The following PKIB variants were observed in gnomAD, a reference collection of about 807,000 sequenced individuals.
PKIB encodes the protein PKI-beta.
A neutral mutation model predicts 4.5 loss-of-function variants in PKIB; 2 were observed. The ratio of observed to expected loss-of-function variants is 0.44; its 90% CI spans 0.18 to 1.39. PKIB has a LOEUF of 1.39. PKIB is among the 40% of genes most tolerant of loss of function. The pLI is 0.27. For missense variants in PKIB, 94 were observed against 92.6 expected, an observed-to-expected ratio of 1.02 and a Z score of -0.06; for synonymous variants, 38 against 36.0, an observed-to-expected ratio of 1.06 and a Z score of -0.20.
At chr6:122,502,731 T>C (rs1776279641) in intron 2 of PKIB, among the ~76,000 whole-genome samples, 1 of 152,184 alleles carries the variant, frequency 6.6e-6, no homozygotes, top group Non-Finnish European at 1.5e-5. Context: ...ATATTTTCTT[T>C]ATATACATAC....
intron 2 of PKIB, among the ~76,000 whole-genome samples, chr6:122,552,021 T>G (rs1446464107): frequency 6.6e-6 from 1 of 152,054 alleles, no homozygotes; most frequent in African/African-American, 2.4e-5. Context: ...GTCATGTTGG[T>G]TCTCTGCTCT....
At chr6:122,570,875 A>G (rs537304878) in intron 2 of PKIB, among the ~76,000 whole-genome samples, 1 of 152,114 alleles carries the variant, frequency 6.6e-6, no homozygotes, top group Non-Finnish European at 1.5e-5. Flanking sequence ...AGATCAAACT[A>G]ACTCCCCAAA....
chr6:122,553,762 T>G (rs186640303), intron 2 of PKIB, among the ~76,000 whole-genome samples: 1 of 152,232 alleles, frequency 6.6e-6, no homozygotes, highest in East Asian at 1.9e-4. Context: ...GAACAATGAA[T>G]AAGCAAGAGA....
chr6:122,521,271 T>C (rs944211034), intron 2 of PKIB, among the ~76,000 whole-genome samples: 8 of 152,294 alleles, frequency 5.3e-5, no homozygotes, highest in African/African-American at 1.9e-4. Flanking sequence ...GATTTGGAGC[T>C]TCTTCTTGGT....
chr6:122,593,266 A>G (rs1774069757), intron 3 of PKIB, among the ~76,000 whole-genome samples: 2 of 152,240 alleles, frequency 1.3e-5, no homozygotes, highest in Non-Finnish European at 2.9e-5. Context: ...ATGACCCGAT[A>G]TAATCCAGGG....
At chr6:122,647,344 C>T (rs1435345287) in intron 2 of PKIB, among the ~76,000 whole-genome samples, 1 of 152,160 alleles carries the variant, frequency 6.6e-6, no homozygotes, top group Non-Finnish European at 1.5e-5. Context: ...CACACAAACA[C>T]CTAGGTGAGT....
chr6:122,595,966 A>G (rs907873294), intron 3 of PKIB, among the ~76,000 whole-genome samples: 1 of 152,232 alleles, frequency 6.6e-6, no homozygotes, highest in African/African-American at 2.4e-5. Flanking sequence ...TTGACCACTC[A>G]GAGAGGTCCA....
At chr6:122,520,900 G>A (rs1776922501) in intron 2 of PKIB, among the ~76,000 whole-genome samples, 1 of 152,166 alleles carries the variant, frequency 6.6e-6, no homozygotes, top group South Asian at 2.1e-4. Flanking sequence ...CCTACTGGTT[G>A]TGGAAGCATT....
At chr6:122,680,248 C>A (rs1777845505) in intron 3 of PKIB, among the ~76,000 whole-genome samples, 1 of 152,114 alleles carries the variant, frequency 6.6e-6, no homozygotes, top group African/African-American at 2.4e-5. Context: ...CGCTTAGGTT[C>A]AAAAAAGTAT....
At chr6:122,524,436 A>G (rs1211934675) in intron 2 of PKIB, among the ~76,000 whole-genome samples, 1 of 148,352 alleles carries the variant, frequency 6.7e-6, no homozygotes, top group Non-Finnish European at 1.5e-5. Flanking sequence ...CTTCATTGTC[A>G]TCGTCATCGT....
At chr6:122,524,847 G>T (rs897792583) in intron 2 of PKIB, among the ~76,000 whole-genome samples, 4 of 150,964 alleles carry the variant, frequency 2.6e-5, no homozygotes, top group Non-Finnish European at 4.4e-5. Context: ...GATTTTAGTT[G>T]TCTTTCTTTT....
intron 1 of PKIB, among the ~76,000 whole-genome samples, chr6:122,622,697 T>G (rs1775286989): frequency 6.7e-6 from 1 of 149,484 alleles, no homozygotes; most frequent in South Asian, 2.1e-4. Flanking sequence ...CCCATGGCAT[T>G]TTGCAGTAGT....
At chr6:122,535,573 T>A (rs1406879928) in intron 2 of PKIB, among the ~76,000 whole-genome samples, 1 of 152,214 alleles carries the variant, frequency 6.6e-6, no homozygotes, top group Non-Finnish European at 1.5e-5. Flanking sequence ...TGATGCCTTC[T>A]TCCTCTTTTG....
chr6:122,505,420 A>G (rs1038330417), intron 2 of PKIB, among the ~76,000 whole-genome samples: 1 of 152,024 alleles, frequency 6.6e-6, no homozygotes, highest in Non-Finnish European at 1.5e-5. Context: ...CTTTTTTAAA[A>G]CTGTCATTGT....
chr6:122,652,716 AAAGATTGAAGCTAATTAT>A (rs1776608189), intron 2 of PKIB: 1 of 152,190 alleles, frequency 6.6e-6, no homozygotes, highest in African/African-American at 2.4e-5. Flanking sequence ...CTGTGTCCAC[AAAGATTGAAGCTAATTAT>A]CCGCACAGGC....
chr6:122,720,832 G>A (rs951537865), intron 4 of PKIB, among the ~76,000 whole-genome samples: 1 of 151,902 alleles, frequency 6.6e-6, no homozygotes, highest in Non-Finnish European at 1.5e-5. Context: ...CTCCTGAGTA[G>A]CTGGGATTAC....
At chr6:122,649,070 G>A (rs1776441208) in intron 2 of PKIB, among the ~76,000 whole-genome samples, 1 of 152,190 alleles carries the variant, frequency 6.6e-6, no homozygotes, top group Non-Finnish European at 1.5e-5. Flanking sequence ...CTCCTCTGCT[G>A]AGGTCATCTT....
At chr6:122,534,002 C>T (rs2114622340) in intron 2 of PKIB, among the ~76,000 whole-genome samples, 1 of 151,750 alleles carries the variant, frequency 6.6e-6, no homozygotes, top group African/African-American at 2.4e-5. Flanking sequence ...ACCCACTTAC[C>T]TCCTCTCTCC....
chr6:122,632,569 T>A (rs1258163525), intron 1 of PKIB, among the ~76,000 whole-genome samples: 4 of 152,178 alleles, frequency 2.6e-5, no homozygotes, highest in Non-Finnish European at 5.9e-5. Flanking sequence ...GGGGACTTTT[T>A]TACATATAAA....
Sources: gnomAD v4.1 joint callset for allele counts (sites outside exome capture counted in the v4.1 genomes callset) on GRCh38, gnomAD v4.1.1 for gene constraint, MANE v1.5 for transcripts, NCBI Gene and HGNC (gene_info 2026-07-23, HGNC 2026-07-21) for gene names.